The following SCMH1 variants were observed in gnomAD, a reference collection of about 807,000 sequenced individuals.
SCMH1 encodes polycomb protein SCMH1.
A neutral mutation model predicts 70.8 loss-of-function variants in SCMH1; 37 were observed. The observed-to-expected ratio is 0.52, with a 90% CI of 0.40 to 0.69. SCMH1 has a LOEUF of 0.69. SCMH1 is among the 30% of genes least tolerant of loss of function. SCMH1 has a pLI of 0.00. For synonymous variants in SCMH1, 292 were observed against 307.4 expected (o/e 0.95, Z 0.52); for missense variants, 607 against 827.3 (o/e 0.73, Z 3.27).
At chr1:41,175,795 C>A (rs1647078106) in intron 2 of SCMH1, among the ~76,000 whole-genome samples, 1 of 152,108 alleles carries the variant, frequency 6.6e-6, no homozygotes, top group South Asian at 2.1e-4. Context: ...GTTTTTACAT[C>A]CCCTGTCTTT....
At chr1:41,032,724 A>G (rs917316706) in intron 13 of SCMH1, among the ~76,000 whole-genome samples, 1 of 152,214 alleles carries the variant, frequency 6.6e-6, no homozygotes, top group Admixed American at 6.5e-5. Flanking sequence ...TCATGCCTGT[A>G]ATCGCAGCAC....
At chr1:41,029,036 C>T (rs1162480636) in intron 13 of SCMH1, among the ~76,000 whole-genome samples, 2 of 151,996 alleles carry the variant, frequency 1.3e-5, no homozygotes, top group Middle Eastern at 3.4e-3. Context: ...GTCTGGGGGG[C>T]CTGGTGAGTG....
chr1:41,156,723 G>C (rs1288177077), intron 4 of SCMH1, among the ~76,000 whole-genome samples: 1 of 152,122 alleles, frequency 6.6e-6, no homozygotes, highest in African/African-American at 2.4e-5. Flanking sequence ...ACAGGCATGA[G>C]ACACAGATTT....
intron 8 of SCMH1, among the ~76,000 whole-genome samples, chr1:41,088,672 A>C (rs1276173569): frequency 1.3e-5 from 2 of 152,174 alleles, no homozygotes; most frequent in Non-Finnish European, 2.9e-5. Flanking sequence ...TAACATAATT[A>C]CACTGAAGGA....
chr1:41,166,342 A>G (rs1646407947), intron 2 of SCMH1, among the ~76,000 whole-genome samples: 1 of 152,020 alleles, frequency 6.6e-6, no homozygotes, highest in Admixed American at 6.5e-5. Context: ...TGTCTCCCCC[A>G]CATTAATTTT....
At chr1:41,062,562 A>G (rs1037669580) in intron 10 of SCMH1, among the ~76,000 whole-genome samples, 12 of 152,032 alleles carry the variant, frequency 7.9e-5, no homozygotes, top group Non-Finnish European at 1.5e-4. Flanking sequence ...CAACATGGTG[A>G]AACCCCATCC....
chr1:41,084,628 T>C (rs968513380), intron 8 of SCMH1, among the ~76,000 whole-genome samples: 3 of 152,064 alleles, frequency 2.0e-5, no homozygotes, highest in Admixed American at 1.3e-4. Flanking sequence ...CATTACTGGG[T>C]ATATACCCAA....
chr1:41,151,650 T>C (rs754095993), exon 5 of SCMH1: 1 of 1,612,912 alleles, frequency 6.2e-7, no homozygotes, highest in Non-Finnish European at 8.5e-7. Flanking sequence ...GGACTGAACA[T>C]GTTTCTTTTA....
intron 6 of SCMH1, among the ~76,000 whole-genome samples, chr1:41,129,389 T>C (rs562418169): frequency 1.3e-5 from 2 of 152,288 alleles, no homozygotes; most frequent in Non-Finnish European, 2.9e-5. Context: ...GCAACTACTA[T>C]TGTACTTTCT....
chr1:41,152,720 G>C (rs1482807436), intron 4 of SCMH1: 1 of 1,611,272 alleles, frequency 6.2e-7, no homozygotes, highest in African/African-American at 1.3e-5. Context: ...GCCCCTTTGG[G>C]CCATGCAAAA....
chr1:41,159,255 A>G (rs1645820139), intron 4 of SCMH1, among the ~76,000 whole-genome samples: 1 of 152,210 alleles, frequency 6.6e-6, no homozygotes, highest in African/African-American at 2.4e-5. Flanking sequence ...GGAAAAATAC[A>G]CTTTCAAATT....
At chr1:41,092,571 CAG>C (rs1316163376) in intron 8 of SCMH1, among the ~76,000 whole-genome samples, 3 of 152,180 alleles carry the variant, frequency 2.0e-5, no homozygotes, top group African/African-American at 7.2e-5. Flanking sequence ...GAACTATCAG[CAG>C]AGTGAACAGG....
At chr1:41,111,503 G>A (rs1015974456) in intron 8 of SCMH1, among the ~76,000 whole-genome samples, 2 of 152,164 alleles carry the variant, frequency 1.3e-5, no homozygotes, top group African/African-American at 4.8e-5. Context: ...ACCACGCCTT[G>A]CTAATTTTTG....
At chr1:41,156,655 T>C (rs1409314248) in intron 4 of SCMH1, among the ~76,000 whole-genome samples, 1 of 152,112 alleles carries the variant, frequency 6.6e-6, no homozygotes, top group Non-Finnish European at 1.5e-5. Context: ...CCCAGGCTGT[T>C]CTCGAACTCC....
intron 12 of SCMH1, among the ~76,000 whole-genome samples, chr1:41,044,143 C>T (rs148505687): frequency 7.6e-4 from 116 of 152,124 alleles, no homozygotes; most frequent in Non-Finnish European, 1.3e-3. Context: ...CCTGCTATAT[C>T]GGAAGTGCAT....
intron 8 of SCMH1, among the ~76,000 whole-genome samples, chr1:41,095,103 C>G (rs574872270): frequency 3.9e-5 from 6 of 152,236 alleles, no homozygotes; most frequent in Admixed American, 3.3e-4. Flanking sequence ...TTATGTCTCT[C>G]TCAACTAGAA....
intron 10 of SCMH1, among the ~76,000 whole-genome samples, chr1:41,052,558 C>A (rs1416068526): frequency 6.6e-6 from 1 of 152,154 alleles, no homozygotes; most frequent in Non-Finnish European, 1.5e-5. Flanking sequence ...AGGATACTGG[C>A]TAATGATGCA....
intron 1 of SCMH1, among the ~76,000 whole-genome samples, chr1:41,193,260 A>G (rs1038070451): frequency 1.3e-5 from 2 of 152,224 alleles, no homozygotes; most frequent in Non-Finnish European, 2.9e-5. Flanking sequence ...ACAGATCCTT[A>G]TAAGGAAAGA....
chr1:41,187,466 A>G (rs962054505), intron 1 of SCMH1, among the ~76,000 whole-genome samples: 2 of 151,832 alleles, frequency 1.3e-5, no homozygotes, highest in Non-Finnish European at 2.9e-5. Context: ...GGTCAAAAAA[A>G]AAAAAAAAAA....
Sources: gnomAD v4.1 joint callset for allele counts (sites outside exome capture counted in the v4.1 genomes callset) on GRCh38, gnomAD v4.1.1 for gene constraint, MANE v1.5 for transcripts, NCBI Gene and HGNC (gene_info 2026-07-23, HGNC 2026-07-21) for gene names.